The following COLEC12 variants were observed in gnomAD, a reference collection of about 807,000 sequenced individuals.
COLEC12 encodes the protein collectin subfamily member 12.
In COLEC12, 33 loss-of-function variants were observed where a neutral mutation model predicts 71.1. The observed-to-expected ratio is 0.46, with a 90% confidence interval of 0.35 to 0.62. COLEC12 has a LOEUF of 0.62. Among genes scored for constraint, COLEC12 ranks in the 20% least tolerant of loss-of-function variants. COLEC12 has a pLI of 0.00. For synonymous variants in COLEC12, 350 were observed against 353.0 expected, an observed-to-expected ratio of 0.99 and a Z score of 0.10; for missense variants, 765 against 916.1, an observed-to-expected ratio of 0.84 and a Z score of 2.13.
At position 341,955 on chromosome 18, in the gene COLEC12, G is replaced by A. The variant is rs1449220534; in HGVS notation, c.1327+4340C>T. 3.9e-5 allele frequency among the ~76,000 whole-genome samples: 6 copies of A among 152,316 alleles called. No homozygotes were observed. The East Asian group carries it at 1.2e-3, about 29-fold the overall frequency. On this transcript the variant is annotated intron_variant, in intron 5 of 9. Coordinates refer to ENST00000400256, the MANE Select transcript of COLEC12 (RefSeq NM_130386.3). The stretch of plus-strand genomic sequence containing the variant: ...TAGCTTGCAGAGGAACAGCCCAGGA[G>A]GTGGAGTGATCTTTGTACCTAGAAG...
intron 1 of COLEC12, among the ~76,000 whole-genome samples, chr18:485,448 G>C (rs1224961027): frequency 6.6e-6 from 1 of 152,176 alleles, no homozygotes. Context: ...ATGACAGAAA[G>C]TGTTTAAGAT....
At chr18:445,118 T>C (rs1377704317) in intron 2 of COLEC12, among the ~76,000 whole-genome samples, 2 of 152,220 alleles carry the variant, frequency 1.3e-5, no homozygotes, top group Non-Finnish European at 2.9e-5. Context: ...TATAATAAAG[T>C]AATCAGATCT....
intron 2 of COLEC12, among the ~76,000 whole-genome samples, chr18:436,802 C>T (rs984763159): frequency 4.0e-4 from 61 of 152,210 alleles, no homozygotes; most frequent in Non-Finnish European, 7.8e-4. Flanking sequence ...CTACCACCAG[C>T]TGCCAAGTTT....
At chr18:338,388 T>C (rs1171690089) in intron 5 of COLEC12, among the ~76,000 whole-genome samples, 1 of 152,184 alleles carries the variant, frequency 6.6e-6, no homozygotes, top group African/African-American at 2.4e-5. Flanking sequence ...GTGCCCCAGG[T>C]GAGATCAGTA....
rs1487805531 is a variant in COLEC12, at chr18:489,747, T to G, written c.8-8990A>C. On this transcript the variant is annotated intron_variant, in intron 1 of 9. Coordinates refer to ENST00000400256, the MANE Select transcript of COLEC12 (RefSeq NM_130386.3). Reference sequence around the variant, plus strand: ...ATAATATCAACACTGAATGTGGATCTGAGATTACGCTGTAACTGTATTAGA... The same window carrying G: ...ATAATATCAACACTGAATGTGGATCGGAGATTACGCTGTAACTGTATTAGA... Among the ~76,000 whole-genome samples the G allele has an allele frequency of 4.6e-5, 7 of 152,272 alleles. No individual in the cohort carries two copies. The South Asian group carries it at 1.0e-3, about 23-fold the overall frequency.
intron 1 of COLEC12, among the ~76,000 whole-genome samples, chr18:496,224 A>G (rs1163819848): frequency 1.3e-5 from 2 of 152,230 alleles, no homozygotes; most frequent in African/African-American, 2.4e-5. Flanking sequence ...GAAAGCCATC[A>G]TCGGCTAGCT....
intron 2 of COLEC12, among the ~76,000 whole-genome samples, chr18:421,935 T>C (rs1189579584): frequency 1.3e-5 from 2 of 152,216 alleles, no homozygotes; most frequent in Non-Finnish European, 2.9e-5. Flanking sequence ...GATACCAATC[T>C]ACAGGACAGG....
intron 2 of COLEC12, among the ~76,000 whole-genome samples, chr18:454,771 CG>C (rs2143720730): frequency 6.6e-6 from 1 of 152,300 alleles, no homozygotes; most frequent in Admixed American, 6.5e-5. Flanking sequence ...ATTTGAATGA[CG>C]GTTTTCGATT....
intron 2 of COLEC12, among the ~76,000 whole-genome samples, chr18:405,442 G>A (rs946843036): frequency 1.3e-5 from 2 of 152,132 alleles, no homozygotes; most frequent in African/African-American, 2.4e-5. Flanking sequence ...CTGAGACTCA[G>A]GCGGGCATCA....
intron 2 of COLEC12, among the ~76,000 whole-genome samples, chr18:407,570 C>T (rs1431259538): frequency 2.6e-5 from 4 of 152,226 alleles, no homozygotes; most frequent in Non-Finnish European, 5.9e-5. Flanking sequence ...CCCTTTTATT[C>T]AGAGAAGAAT....
chr18:335,892 G>A (rs1304647319), intron 5 of COLEC12, among the ~76,000 whole-genome samples: 4 of 152,096 alleles, frequency 2.6e-5, no homozygotes, highest in Non-Finnish European at 5.9e-5. Flanking sequence ...TGACAGCCAG[G>A]GGCTTATTCT....
intron 2 of COLEC12, among the ~76,000 whole-genome samples, chr18:472,696 A>G (rs1369520089): frequency 1.6e-5 from 2 of 121,698 alleles, no homozygotes; most frequent in Non-Finnish European, 3.6e-5. Context: ...AAAAAAAAAA[A>G]AAAAAAAGAA....
chr18:414,582 G>A (rs891191241), intron 2 of COLEC12, among the ~76,000 whole-genome samples: 3 of 152,142 alleles, frequency 2.0e-5, no homozygotes, highest in Non-Finnish European at 4.4e-5. Flanking sequence ...TGGGCAACAA[G>A]AGTGAAACTG....
intron 1 of COLEC12, among the ~76,000 whole-genome samples, chr18:489,242 C>T (rs9941422): frequency 0.3 from 44,950 of 152,106 alleles, 7,327 homozygotes; most frequent in Middle Eastern, 0.39. Flanking sequence ...GCAGTGCTTT[C>T]GAAATTCTAA....
At chr18:407,665 C>G (rs1915816428) in intron 2 of COLEC12, among the ~76,000 whole-genome samples, 1 of 152,210 alleles carries the variant, frequency 6.6e-6, no homozygotes, top group Non-Finnish European at 1.5e-5. Context: ...ACTCACACTA[C>G]CAATCTGAAC....
At position 406,694 on chromosome 18, in the gene COLEC12, T is replaced by C. The variant is rs190826156; in HGVS notation, c.59-49172A>G. 2.8e-3 allele frequency among the ~76,000 whole-genome samples: 420 copies of C among 152,348 alleles called. 2 individuals are homozygous for C. The highest frequency in any genetic ancestry group is 4.8e-3 in the Non-Finnish European group (327 of 68,034). ...CAAGAACCTTCTCTCAGGGTCTGGATGGGGACCCTTTTCCTGTAACAACTG... is the reference window on the plus strand; with the variant it reads ...CAAGAACCTTCTCTCAGGGTCTGGACGGGGACCCTTTTCCTGTAACAACTG... On this transcript the variant is annotated intron_variant, in intron 2 of 9. Coordinates refer to ENST00000400256, the MANE Select transcript of COLEC12 (RefSeq NM_130386.3).
At chr18:382,790 T>A (rs920647598) in intron 2 of COLEC12, among the ~76,000 whole-genome samples, 15 of 152,214 alleles carry the variant, frequency 9.9e-5, no homozygotes, top group Non-Finnish European at 1.6e-4. Context: ...TTCAAGCAAA[T>A]GTTATTTTTA....
At chr18:322,876 G>C (rs970055341) in intron 8 of COLEC12, among the ~76,000 whole-genome samples, 1 of 152,042 alleles carries the variant, frequency 6.6e-6, no homozygotes, top group African/African-American at 2.4e-5. Flanking sequence ...CAAAGGGTGG[G>C]GACAGGGTAG....
In COLEC12 at chr18:359,794, G is replaced by T. The variant is rs1914704289; in HGVS notation, c.59-2272C>A. On this transcript the variant is annotated intron_variant, in intron 2 of 9. Transcript: ENST00000400256. ...CAGGAGCAACAGCACATAAAGGACT[G>T]ATCTATAACTGTGCTCAATAACTTT... is the stretch of plus-strand genomic sequence containing the variant. Among the ~76,000 whole-genome samples the T allele has an allele frequency of 2.0e-5, 3 of 152,214 alleles. No homozygotes were observed. The South Asian group carries it at 6.2e-4, about 32-fold the overall frequency.
Sources: allele counts gnomAD v4.1 joint callset (sites outside exome capture counted in the v4.1 genomes callset), GRCh38; gene constraint gnomAD v4.1.1; transcripts MANE v1.5; gene names NCBI Gene and HGNC (gene_info 2026-07-23, HGNC 2026-07-21).